SLC8A3: variants seen among roughly 807,000 people sequenced by gnomAD.
The protein encoded by SLC8A3 is solute carrier family 8 member A3, also known as sodium/calcium exchanger 3.
SLC8A3 carries 37 observed loss-of-function variants against 65.4 expected under a neutral mutation model. The ratio of observed to expected loss-of-function variants is 0.57; its 90% CI spans 0.44 to 0.74. The LOEUF is 0.74. Ranked by LOEUF, SLC8A3 falls within the 30% of genes least tolerant of loss-of-function variation. The pLI, the probability that SLC8A3 is intolerant of heterozygous loss-of-function variation, is 0.00. For synonymous variants in SLC8A3, 461 were observed against 444.5 expected, an observed-to-expected ratio of 1.04 and a Z score of -0.47; for missense variants, 1,112 against 1,172.1, an observed-to-expected ratio of 0.95 and a Z score of 0.75.
chr14:70,186,782 G>A (rs1178879325), intron 1 of SLC8A3, among the ~76,000 whole-genome samples: 1 of 152,098 alleles, frequency 6.6e-6, no homozygotes, highest in East Asian at 1.9e-4. Context: ...TGCATGAAGG[G>A]GCAGGTTCCT....
Position 70,059,313 on chromosome 14 carries a change from C to T in SLC8A3, c.1888+1523G>A, listed in dbSNP as rs368489363. On this transcript the variant is annotated intron_variant, in intron 3 of 6. Transcript: ENST00000356921. ...TTGCTGAATCTCTTAGCTCTGTCCT[C>T]GTGTGGAAAGTTTTATGCTGCTCTT... is the stretch of plus-strand genomic sequence containing the variant. 3.3e-5 allele frequency: 5 copies of T among 152,306 alleles called. No individual in the cohort carries two copies. The East Asian group carries it at 5.8e-4, about 18-fold the overall frequency. 9.4% of individuals were successfully genotyped at this position (152,306 alleles called of 1,614,324 possible). A position where few individuals can be genotyped will look rare whatever the true frequency, so the allele number is the denominator to read the frequency against.
intron 2 of SLC8A3, among the ~76,000 whole-genome samples, chr14:70,088,177 G>C (rs564806257): frequency 1.3e-5 from 2 of 152,358 alleles, no homozygotes; most frequent in South Asian, 4.1e-4. Flanking sequence ...TTAGCAGACA[G>C]TGGGTAGGCC....
intron 5 of SLC8A3, 60 bp from the exon 6 acceptor site, chr14:70,049,102 A>T: frequency 3.3e-6 from 5 of 1,521,382 alleles, no homozygotes; most frequent in Non-Finnish European, 4.5e-6. Context: ...CATTCATGAG[A>T]AAGTCAAGCC....
intron 2 of SLC8A3, among the ~76,000 whole-genome samples, chr14:70,107,318 A>G (rs552896166): frequency 6.6e-6 from 1 of 152,264 alleles, no homozygotes; most frequent in Admixed American, 6.5e-5. Flanking sequence ...CTCCTTATAC[A>G]TCTACTGTGG....
rs534351885 is a variant in SLC8A3 at position 70,080,599 on chromosome 14, T to C, written c.1785-19660A>G. ...TTGGGTGGAGAAATGACATCAGTTA[T>C]GTTGGAGTTTGGAAGATGTTCAGAC... is the stretch of plus-strand genomic sequence containing the variant. On this transcript the variant is annotated intron_variant, in intron 2 of 6. Coordinates refer to ENST00000356921, the MANE Select transcript of SLC8A3 (RefSeq NM_182932.3). Among the ~76,000 whole-genome samples the C allele has an allele frequency of 6.6e-5, 10 of 152,312 alleles. No individual in the cohort carries two copies. The South Asian group carries it at 1.7e-3, about 25-fold the overall frequency.
chr14:70,107,560 C>G (rs1892958872), intron 2 of SLC8A3, among the ~76,000 whole-genome samples: 1 of 152,060 alleles, frequency 6.6e-6, no homozygotes, highest in African/African-American at 2.4e-5. Context: ...TGTAGAGATG[C>G]TACAGTAGAT....
rs1367246947 is a variant in SLC8A3, at chr14:70,188,874, C to T, written c.-558G>A. The T allele has an allele frequency of 6.6e-6, 1 of 152,052 alleles. No homozygotes were observed. Among genetic ancestry groups the T allele is most frequent in the Non-Finnish European group, 1.5e-5 (1 of 67,996 alleles). The allele number at this position is 152,052 out of a possible 1,614,324, so 9.4% of individuals were successfully genotyped here. Reference sequence around the variant, plus strand: ...CTGGGCTTTCCCTGGGCTGGGAGCGCGCCGGGTCTCCGCCTTGCACGCTGT... The same window carrying T: ...CTGGGCTTTCCCTGGGCTGGGAGCGTGCCGGGTCTCCGCCTTGCACGCTGT... On this transcript the variant is annotated 5_prime_UTR_variant, in exon 1 of 7. Transcript: ENST00000356921.
At chr14:70,061,913 C>A (rs554475186) in intron 2 of SLC8A3, among the ~76,000 whole-genome samples, 2 of 152,124 alleles carry the variant, frequency 1.3e-5, no homozygotes, top group Admixed American at 1.3e-4. Flanking sequence ...AAACAAGTCA[C>A]CCAGGGAAGA....
chr14:70,055,809 G>A (rs1888049426), intron 3 of SLC8A3: 1 of 1,610,946 alleles, frequency 6.2e-7, no homozygotes, highest in South Asian at 1.1e-5. Context: ...GAGATAACAG[G>A]AGCGCTGTTT....
intron 2 of SLC8A3, among the ~76,000 whole-genome samples, chr14:70,160,170 C>A (rs374825329): frequency 2.6e-5 from 4 of 152,048 alleles, no homozygotes; most frequent in Non-Finnish European, 4.4e-5. Flanking sequence ...GGGGGCTGGA[C>A]GTGGTAGCTC....
rs759213222 is a variant in SLC8A3, at chr14:70,045,910, T to C, written c.*37A>G. 1 of 1,531,484 alleles carries C rather than the reference T, an allele frequency of 6.5e-7. No homozygotes were observed. Among genetic ancestry groups the C allele is most frequent in the Non-Finnish European group, 8.8e-7 (1 of 1,135,884 alleles). The allele number at this position is 1,531,484 out of a possible 1,614,324, so 94.9% of individuals were successfully genotyped here. ...GGAAGTGCCCTTCTCTTAGGAGAAG[T>C]CCTAGGCCTGCCCTGCTGGAGGCTC... is the stretch of plus-strand genomic sequence containing the variant. On this transcript the variant is annotated 3_prime_UTR_variant, in exon 7 of 7. Transcript: ENST00000356921.
At chr14:70,159,420 A>C (rs1330100098) in intron 2 of SLC8A3, among the ~76,000 whole-genome samples, 4 of 150,170 alleles carry the variant, frequency 2.7e-5, no homozygotes, top group Non-Finnish European at 5.9e-5. Context: ...CAAAAAAAAA[A>C]AAAACAAAAA....
At chr14:70,080,084 C>T in intron 2 of SLC8A3, 2 of 985,428 alleles carry the variant, frequency 2.0e-6, no homozygotes, top group Non-Finnish European at 2.4e-6. Flanking sequence ...GTTCCCTTTC[C>T]TTCCCCTCTT....
intron 2 of SLC8A3, among the ~76,000 whole-genome samples, chr14:70,088,186 C>T (rs879327348): frequency 1.3e-5 from 2 of 152,282 alleles, no homozygotes; most frequent in South Asian, 2.1e-4. Context: ...AGTGGGTAGG[C>T]CCATGTGGCC....
chr14:70,187,624 T>TGC (rs1168226220), intron 1 of SLC8A3, among the ~76,000 whole-genome samples: 3 of 130,938 alleles, frequency 2.3e-5, no homozygotes, highest in Non-Finnish European at 3.6e-5. Flanking sequence ...TGTGTGTGTG[T>TGC]GTGTGTGTGT....
chr14:70,148,827 G>T (rs1896094904), intron 2 of SLC8A3, among the ~76,000 whole-genome samples: 1 of 152,222 alleles, frequency 6.6e-6, no homozygotes, highest in Non-Finnish European at 1.5e-5. Flanking sequence ...TGTTCTATAG[G>T]AAAGAACTTC....
Position 70,167,109 on chromosome 14 carries a change from AC to A in SLC8A3, c.1313del (p.Gly438ValfsTer18). The A allele has an allele frequency of 6.2e-7, 1 of 1,614,160 alleles. No homozygotes were observed. The highest frequency in any genetic ancestry group is 8.5e-7 in the Non-Finnish European group (1 of 1,180,034). On this transcript the variant is annotated frameshift_variant, in exon 2 of 7. Coordinates refer to ENST00000356921, the MANE Select transcript of SLC8A3 (RefSeq NM_182932.3). LOFTEE classifies it high-confidence loss of function. ...TMYVDYKTED[G>X]SANAGADYEF... ...CATAGTCAGCCCCTGCATTGGCAGA[AC>A]CATCCTCTGTTTTGTAGTCCACATA... is the stretch of plus-strand genomic sequence containing the variant.
chr14:70,081,700 G>A (rs1891063579), intron 2 of SLC8A3, among the ~76,000 whole-genome samples: 1 of 152,210 alleles, frequency 6.6e-6, no homozygotes, highest in Non-Finnish European at 1.5e-5. Context: ...GGATTCAAGA[G>A]CACAGGAGGG....
At chr14:70,098,703 C>T (rs1283605288) in intron 2 of SLC8A3, among the ~76,000 whole-genome samples, 2 of 152,204 alleles carry the variant, frequency 1.3e-5, no homozygotes, top group Admixed American at 1.3e-4. Context: ...CAAAGGAAAC[C>T]ACAGCTTCTG....
Sources: gnomAD v4.1 joint callset for allele counts (sites outside exome capture counted in the v4.1 genomes callset) on GRCh38, gnomAD v4.1.1 for gene constraint, MANE v1.5 for transcripts, NCBI Gene and HGNC (gene_info 2026-07-23, HGNC 2026-07-21) for gene names.